Variants in TRNAU1AP observed in about 807,000 individuals in gnomAD.
The protein encoded by TRNAU1AP is tRNA selenocysteine 1-associated protein 1.
TRNAU1AP carries 33 observed loss-of-function variants against 43.3 expected under a neutral mutation model. The ratio of observed to expected loss-of-function variants is 0.76; its 90% CI spans 0.58 to 1.02. The LOEUF (loss-of-function observed/expected upper bound fraction) is 1.02. TRNAU1AP is among the 50% of genes least tolerant of loss of function. The pLI is 0.00. For missense variants in TRNAU1AP, 290 were observed against 362.7 expected, an observed-to-expected ratio of 0.80 and a Z score of 1.63; for synonymous variants, 143 against 129.1, an observed-to-expected ratio of 1.11 and a Z score of -0.73.
At chr1:28,561,280 T>G in intron 3 of TRNAU1AP, 66 bp from the exon 4 acceptor site, 1 of 1,602,492 alleles carries the variant, frequency 6.2e-7, no homozygotes, top group Non-Finnish European at 8.5e-7. Flanking sequence ...TTCAGTTTTC[T>G]TCAAATATTG....
At chr1:28,554,225 A>C (rs1045073233) in intron 2 of TRNAU1AP, among the ~76,000 whole-genome samples, 2 of 151,494 alleles carry the variant, frequency 1.3e-5, no homozygotes, top group African/African-American at 4.9e-5. Context: ...AAAAAACAAA[A>C]AACGCAGGAC....
rs1451037089 is a variant in TRNAU1AP at position 28,578,382 on chromosome 1, G to GGACT, written c.*747_*750dup. The GGACT allele has an allele frequency of 2.2e-5, 4 of 178,560 alleles. No individual in the cohort carries two copies. The South Asian group carries it at 2.7e-4, about 12-fold the overall frequency. 11.1% of individuals were successfully genotyped at this position (178,560 alleles called of 1,614,324 possible). The stretch of plus-strand genomic sequence containing the variant: ...AACTGTCCAACCTTGTCATGTGTTG[G>GGACT]GACTTACTGCTTGAGGCAAAGCATT... On this transcript the variant is annotated 3_prime_UTR_variant, in exon 9 of 9. Transcript: ENST00000373830.
chr1:28,577,627 C>A lies in TRNAU1AP; in HGVS notation c.855C>A (p.Ala285=). 6.2e-7 allele frequency: 1 copy of A among 1,613,978 alleles called. No individual in the cohort carries two copies. Among genetic ancestry groups the A allele is most frequent in the South Asian group, 1.1e-5 (1 of 91,050 alleles). ...ACACAGTGTCTTCAGAGATCCCTGC[C>A]ATGATGTAGCCAGGCCAAAGGACAA... ...PLDTVSSEIP[A]MM The change falls in exon 9 of 9, where the codon GCC becomes GCA. Residue 285 remains alanine (A), a synonymous_variant. Coordinates refer to ENST00000373830, the MANE Select transcript of TRNAU1AP (RefSeq NM_017846.5).
chr1:28,560,068 G>T (rs1397351781), intron 2 of TRNAU1AP, among the ~76,000 whole-genome samples: 1 of 152,056 alleles, frequency 6.6e-6, no homozygotes, highest in Non-Finnish European at 1.5e-5. Flanking sequence ...AGAGGCAGAG[G>T]TTATAGTGAG....
In TRNAU1AP at chr1:28,578,389, C is replaced by CTTAG. The variant is rs1441914564; in HGVS notation, c.*754_*755insTAGT. The CTTAG allele has an allele frequency of 4.9e-6, 1 of 203,372 alleles. No individual in the cohort carries two copies. Among genetic ancestry groups the CTTAG allele is most frequent in the Non-Finnish European group, 1.0e-5 (1 of 98,808 alleles). 12.6% of individuals were successfully genotyped at this position (203,372 alleles called of 1,614,324 possible). A position where few individuals can be genotyped will look rare whatever the true frequency, so the allele number is the denominator to read the frequency against. On this transcript the variant is annotated 3_prime_UTR_variant, in exon 9 of 9. Transcript: ENST00000373830. Reference sequence around the variant, plus strand: ...CAACCTTGTCATGTGTTGGGACTTACTGCTTGAGGCAAAGCATTCATCCTA... The same window carrying CTTAG: ...CAACCTTGTCATGTGTTGGGACTTACTTAGTGCTTGAGGCAAAGCATTCATCCTA...
chr1:28,553,562 T>A (rs570884938), intron 1 of TRNAU1AP, 78 bp from the exon 2 acceptor site: 47 of 1,403,586 alleles, frequency 3.3e-5, no homozygotes, highest in Non-Finnish European at 4.6e-5. Context: ...AGCCCTGGGC[T>A]GAACGGGAGG....
Position 28,553,104 on chromosome 1 carries a change from C to G in TRNAU1AP, c.-7C>G. ...CCGCCCGCAAAGCCCCACCCCGGTG[C>G]GCGGGTATGGCGGCCAGCCTGTGGA... On this transcript the variant is annotated 5_prime_UTR_variant, in exon 1 of 9. Coordinates refer to ENST00000373830, the MANE Select transcript of TRNAU1AP (RefSeq NM_017846.5). 1 of 1,523,404 alleles carries G rather than the reference C, an allele frequency of 6.6e-7. No homozygotes were observed. The allele number at this position is 1,523,404 out of a possible 1,614,324, so 94.4% of individuals were successfully genotyped here. A position where few individuals can be genotyped will look rare whatever the true frequency, so the allele number is the denominator to read the frequency against.
Position 28,572,199 on chromosome 1 carries a change from T to G in TRNAU1AP, c.727+299T>G, listed in dbSNP as rs138847078. Among the ~76,000 whole-genome samples, 40 of 151,728 alleles carry G rather than the reference T, an allele frequency of 2.6e-4. No homozygotes were observed. In the Middle Eastern group the frequency reaches 0.01, roughly 39 times the overall value. ...TAACGATAATACTGTTACCCTTTTT[T>G]TGTGTGTGTGTGTGGTGGAGTTTCA... On this transcript the variant is annotated intron_variant, in intron 8 of 8. Transcript: ENST00000373830.
At chr1:28,575,556 G>A (rs1369408986) in intron 8 of TRNAU1AP, among the ~76,000 whole-genome samples, 4 of 147,648 alleles carry the variant, frequency 2.7e-5, no homozygotes, top group African/African-American at 5.0e-5. Context: ...TCCGCCTCCC[G>A]GGTTCAAGTG....
At chr1:28,558,012 C>T (rs1034745141) in intron 2 of TRNAU1AP, among the ~76,000 whole-genome samples, 1 of 151,144 alleles carries the variant, frequency 6.6e-6, no homozygotes, top group Non-Finnish European at 1.5e-5. Context: ...TCTCCTGCCT[C>T]AGCCTCCTGA....
chr1:28,568,376 C>T (rs569025914), intron 6 of TRNAU1AP, among the ~76,000 whole-genome samples: 6 of 152,208 alleles, frequency 3.9e-5, no homozygotes, highest in African/African-American at 1.4e-4. Context: ...TCCCCAGGCT[C>T]GGGATCCTCC....
At chr1:28,576,163 T>C (rs1260305920) in intron 8 of TRNAU1AP, among the ~76,000 whole-genome samples, 1 of 149,734 alleles carries the variant, frequency 6.7e-6, no homozygotes. Context: ...CCAGTTTTTT[T>C]TTTTTTTTGA....
intron 8 of TRNAU1AP, among the ~76,000 whole-genome samples, chr1:28,575,165 TTTTC>T (rs1472396499): frequency 6.6e-6 from 1 of 152,160 alleles, no homozygotes; most frequent in Non-Finnish European, 1.5e-5. Flanking sequence ...CCTTTTTTTG[TTTTC>T]TTTTTCTTGA....
intron 2 of TRNAU1AP, among the ~76,000 whole-genome samples, chr1:28,554,261 A>G (rs1665204461): frequency 6.6e-6 from 1 of 151,598 alleles, no homozygotes; most frequent in South Asian, 2.1e-4. Context: ...TTTGAAAGCT[A>G]TTTCTACTCT....
intron 8 of TRNAU1AP, among the ~76,000 whole-genome samples, chr1:28,572,185 C>T (rs1665676096): frequency 6.6e-6 from 1 of 152,154 alleles, no homozygotes; most frequent in African/African-American, 2.4e-5. Flanking sequence ...AACGATAATA[C>T]TGTTACCCTT....
At chr1:28,577,446 G>A in intron 8 of TRNAU1AP, 54 bp from the exon 9 acceptor site, 3 of 1,587,626 alleles carry the variant, frequency 1.9e-6, no homozygotes, top group Non-Finnish European at 2.6e-6. Flanking sequence ...ACTGAACCAG[G>A]TCCCTTGCAG....
At chr1:28,561,015 A>C (rs796310546) in intron 3 of TRNAU1AP, 1 of 1,317,854 alleles carries the variant, frequency 7.6e-7, no homozygotes. Flanking sequence ...ATAACCGAAG[A>C]CTTGAAACTC....
In TRNAU1AP at chr1:28,577,781, C is replaced by A; in HGVS notation, c.*145C>A. On this transcript the variant is annotated 3_prime_UTR_variant, in exon 9 of 9. Coordinates refer to ENST00000373830, the MANE Select transcript of TRNAU1AP (RefSeq NM_017846.5). The stretch of plus-strand genomic sequence containing the variant: ...GATCATGAATGTTTCTACAACACTG[C>A]TGCATTCATTTGACCATTTGAGTTT... The A allele has an allele frequency of 1.1e-6, 1 of 881,894 alleles. No individual in the cohort carries two copies. The highest frequency in any genetic ancestry group is 1.7e-5 in the African/African-American group (1 of 58,824). The allele number at this position is 881,894 out of a possible 1,614,324, so 54.6% of individuals were successfully genotyped here.
chr1:28,559,328 A>G (rs1374654618), intron 2 of TRNAU1AP, among the ~76,000 whole-genome samples: 1 of 152,106 alleles, frequency 6.6e-6, no homozygotes, highest in Non-Finnish European at 1.5e-5. Context: ...AGTTGTCTTT[A>G]TAAGAGCCTA....
Sources: allele counts gnomAD v4.1 joint callset (sites outside exome capture counted in the v4.1 genomes callset), GRCh38; gene constraint gnomAD v4.1.1; transcripts MANE v1.5; gene names NCBI Gene and HGNC (gene_info 2026-07-23, HGNC 2026-07-21).